TXNRD1: variants seen among roughly 807,000 people sequenced by gnomAD.
TXNRD1 encodes the protein thioredoxin reductase 1.
Under a neutral mutation model 80.3 loss-of-function variants are expected in TXNRD1, and 57 were observed. That is an observed-to-expected ratio of 0.71 (90% confidence interval 0.57 to 0.89). TXNRD1 has a LOEUF of 0.89. TXNRD1 is among the 40% of genes least tolerant of loss of function. The probability of loss-of-function intolerance (pLI) is 0.00; values close to 1 mark genes in which losing one functional copy is unlikely to be tolerated. For missense variants in TXNRD1, 730 were observed against 803.0 expected, an observed-to-expected ratio of 0.91 and a Z score of 1.10; for synonymous variants, 291 against 285.2, an observed-to-expected ratio of 1.02 and a Z score of -0.20.
intron 4 of TXNRD1, among the ~76,000 whole-genome samples, chr12:104,296,024 C>T (rs537334438): frequency 2.0e-5 from 3 of 152,308 alleles, no homozygotes; most frequent in South Asian, 2.1e-4. Flanking sequence ...TCCAGGTTTA[C>T]AGAAGAGAAA....
chr12:104,339,339 G>A (rs2036247139), intron 16 of TXNRD1, 66 bp downstream of exon 16: 2 of 1,598,116 alleles, frequency 1.3e-6, no homozygotes, highest in South Asian at 1.1e-5. Context: ...ACACCACCCA[G>A]CTTATACATG....
intron 3 of TXNRD1, among the ~76,000 whole-genome samples, chr12:104,263,731 G>T (rs1221778283): frequency 6.6e-6 from 1 of 152,200 alleles, no homozygotes; most frequent in Non-Finnish European, 1.5e-5. Flanking sequence ...GCATCTGGAT[G>T]CCACATGTCA....
chr12:104,335,003 A>G (rs1197457382), intron 15 of TXNRD1, among the ~76,000 whole-genome samples: 2 of 152,200 alleles, frequency 1.3e-5, no homozygotes, highest in Non-Finnish European at 2.9e-5. Flanking sequence ...AGCTGGCACT[A>G]CTAAGAAAGA....
rs58288808 is a variant in TXNRD1 at position 104,322,374 on chromosome 12, C to CT, written c.1215+1082dup. 7.1e-3 allele frequency among the ~76,000 whole-genome samples: 435 copies of CT among 61,460 alleles called. 2 individuals are homozygous for CT. Among genetic ancestry groups the CT allele is most frequent in the African/African-American group, 0.014 (197 of 13,820 alleles). The allele number at this position is 61,460 out of a possible 152,430, so 40.3% of individuals were successfully genotyped here. A position where few individuals can be genotyped will look rare whatever the true frequency, so the allele number is the denominator to read the frequency against. ...TACTGTAGCTGTTTTTTATTTTTAC[C>CT]TTTTTTTTTTTTTTTTTTTTTTTTG... On this transcript the variant is annotated intron_variant, in intron 10 of 16. Transcript: ENST00000525566.
rs770156613 is a variant in TXNRD1 at position 104,304,650 on chromosome 12, C to A, written c.415-6640C>A. 4 of 1,613,894 alleles carry A rather than the reference C, an allele frequency of 2.5e-6. No individual in the cohort carries two copies. In the South Asian group the frequency reaches 4.4e-5, roughly 18 times the overall value. Reference sequence around the variant, plus strand: ...TACTTTCGAAAGTATCCTGATACTCCTGTGTCCTATTTTGAGTTTGTGATT... The same window carrying A: ...TACTTTCGAAAGTATCCTGATACTCATGTGTCCTATTTTGAGTTTGTGATT... On this transcript the variant is annotated intron_variant, in intron 4 of 16. Coordinates refer to ENST00000525566, the MANE Select transcript of TXNRD1 (RefSeq NM_001093771.3).
chr12:104,316,329 T>TGG (rs200633519), intron 7 of TXNRD1, among the ~76,000 whole-genome samples: 1,883 of 152,254 alleles, frequency 0.012, 30 homozygotes, highest in Non-Finnish European at 0.02. Flanking sequence ...GGATTAAAAC[T>TGG]ATTTAGAGTA....
At chr12:104,291,176 A>G in intron 4 of TXNRD1, 1 of 466,458 alleles carries the variant, frequency 2.1e-6, no homozygotes, top group Non-Finnish European at 3.8e-6. Context: ...TTTCTTAAGT[A>G]AACTTATTCT....
chr12:104,261,448 C>G (rs949127243), intron 3 of TXNRD1, among the ~76,000 whole-genome samples: 4 of 152,162 alleles, frequency 2.6e-5, no homozygotes, highest in African/African-American at 9.7e-5. Context: ...CAGGCGTGAG[C>G]CACCATGCCC....
At chr12:104,255,520 C>T (rs1006154808) in intron 2 of TXNRD1, among the ~76,000 whole-genome samples, 8 of 151,932 alleles carry the variant, frequency 5.3e-5, no homozygotes, top group African/African-American at 1.2e-4. Flanking sequence ...TACAGTTGCC[C>T]GAGCGCAGTG....
chr12:104,347,829 C>T (rs1446547112), intron 16 of TXNRD1, among the ~76,000 whole-genome samples: 2 of 152,076 alleles, frequency 1.3e-5, no homozygotes, highest in African/African-American at 4.8e-5. Context: ...TATTTGTATC[C>T]ATATGGGATA....
chr12:104,302,808 C>G (rs1391261341), intron 4 of TXNRD1, among the ~76,000 whole-genome samples: 1 of 152,140 alleles, frequency 6.6e-6, no homozygotes, highest in Non-Finnish European at 1.5e-5. Context: ...GTTATGTATA[C>G]TTTGCTATTT....
chr12:104,315,996 T>C, intron 7 of TXNRD1, 100 bp downstream of exon 7: 4 of 1,321,138 alleles, frequency 3.0e-6, no homozygotes, highest in Non-Finnish European at 3.1e-6. Flanking sequence ...GCAAATAGCC[T>C]AGTTGTTTTT....
At chr12:104,282,502 G>T (rs1436370349) in intron 3 of TXNRD1, among the ~76,000 whole-genome samples, 1 of 152,070 alleles carries the variant, frequency 6.6e-6, no homozygotes, top group African/African-American at 2.4e-5. Context: ...TACTCTCATG[G>T]CCTGTTCCCT....
chr12:104,292,043 A>G (rs2034235482), intron 4 of TXNRD1, among the ~76,000 whole-genome samples: 1 of 152,226 alleles, frequency 6.6e-6, no homozygotes, highest in African/African-American at 2.4e-5. Flanking sequence ...AACATAAATA[A>G]TGGAGGGAGC....
rs1467537148 is a variant in TXNRD1, at chr12:104,241,271, C to T, written c.92-10256C>T. 2.0e-5 allele frequency among the ~76,000 whole-genome samples: 3 copies of T among 152,088 alleles called. No individual in the cohort carries two copies. In the East Asian group the frequency reaches 5.8e-4, roughly 29 times the overall value. ...GGCCAGGCTGGTGTCAAACTCCTGACCTGGTGATCCGCCCGCCTCAGCATC... is the reference window on the plus strand; with the variant it reads ...GGCCAGGCTGGTGTCAAACTCCTGATCTGGTGATCCGCCCGCCTCAGCATC... On this transcript the variant is annotated intron_variant, in intron 1 of 16. Transcript: ENST00000525566.
intron 14 of TXNRD1, among the ~76,000 whole-genome samples, chr12:104,332,258 T>G (rs2035977541): frequency 6.6e-6 from 1 of 152,204 alleles, no homozygotes; most frequent in Admixed American, 6.5e-5. Flanking sequence ...CCAAAAGGAC[T>G]GCTGTTTTAA....
intron 3 of TXNRD1, among the ~76,000 whole-genome samples, chr12:104,259,779 C>T (rs1033244264): frequency 6.6e-6 from 1 of 151,904 alleles, no homozygotes; most frequent in Admixed American, 6.6e-5. Context: ...TGAGCCACCA[C>T]GCCCGGCCAT....
At chr12:104,331,725 T>C in intron 14 of TXNRD1, 84 bp downstream of exon 14, 2 of 875,758 alleles carry the variant, frequency 2.3e-6, no homozygotes, top group African/African-American at 1.7e-5. Flanking sequence ...ACTTAAAAAA[T>C]AGTACAAAGC....
intron 4 of TXNRD1, among the ~76,000 whole-genome samples, chr12:104,307,340 T>C (rs1391654854): frequency 6.6e-6 from 1 of 152,202 alleles, no homozygotes; most frequent in Non-Finnish European, 1.5e-5. Flanking sequence ...ATAGTGGAGA[T>C]TGACGCAGGG....
Sources: allele counts gnomAD v4.1 joint callset (sites outside exome capture counted in the v4.1 genomes callset), GRCh38; gene constraint gnomAD v4.1.1; transcripts MANE v1.5; gene names NCBI Gene and HGNC (gene_info 2026-07-23, HGNC 2026-07-21).